LIPA: variants seen among roughly 807,000 people sequenced by gnomAD.
The protein encoded by LIPA is lysosomal acid lipase/cholesteryl ester hydrolase.
In LIPA, 26 loss-of-function variants were observed where a neutral mutation model predicts 40.6. That is an observed-to-expected ratio of 0.64 (90% CI 0.47 to 0.89). The LOEUF is 0.89. Among genes scored for constraint, LIPA ranks in the 40% least tolerant of loss-of-function variants. The probability of loss-of-function intolerance (pLI) is 0.00; values close to 1 mark genes in which losing one functional copy is unlikely to be tolerated. For synonymous variants in LIPA, 188 were observed against 168.4 expected (o/e 1.12, Z -0.90); for missense variants, 455 against 479.6 (o/e 0.95, Z 0.48).
chr10:89,235,417 T>A (rs900032604), intron 3 of LIPA, among the ~76,000 whole-genome samples: 12 of 152,234 alleles, frequency 7.9e-5, no homozygotes, highest in African/African-American at 2.9e-4. Flanking sequence ...AGCCTGGAGA[T>A]GGCAAGTGAT....
Position 89,329,614 on chromosome 10 carries a change from C to T in LIPA, c.-2+12997G>A, listed in dbSNP as rs186197460. Among the ~76,000 whole-genome samples, 348 of 152,014 alleles carry T rather than the reference C, an allele frequency of 2.3e-3. 3 individuals are homozygous for T. The highest frequency in any genetic ancestry group is 1.0e-3 in the Non-Finnish European group (68 of 68,022). On this transcript the variant is annotated intron_variant, in intron 1 of 5. Coordinates refer to the LIPA transcript ENST00000282673. ...AAATCACCTGGAGAACTCACTGGCA[C>T]GTGCCAGCTGATGGGCATCCTCCTC... is the stretch of plus-strand genomic sequence containing the variant.
intron 2 of LIPA, among the ~76,000 whole-genome samples, chr10:89,367,487 A>T (rs988563410): frequency 3.3e-5 from 5 of 152,230 alleles, no homozygotes; most frequent in African/African-American, 1.2e-4. Flanking sequence ...TTACTGGCTC[A>T]TCTAGGCCTA....
intron 2 of LIPA, chr10:89,403,622 G>C: frequency 6.2e-7 from 1 of 1,614,072 alleles, no homozygotes; most frequent in Non-Finnish European, 8.5e-7. Context: ...TCTACAAATT[G>C]GAAGGAAATA....
At chr10:89,403,611 G>C (rs375850117) in intron 2 of LIPA, 2 of 1,614,040 alleles carry the variant, frequency 1.2e-6, no homozygotes. Context: ...CCTTGGGTTC[G>C]TCTACAAATT....
intron 2 of LIPA, among the ~76,000 whole-genome samples, chr10:89,355,875 A>G (rs1488911807): frequency 6.6e-6 from 1 of 152,206 alleles, no homozygotes; most frequent in African/African-American, 2.4e-5. Flanking sequence ...GTTAACCTAT[A>G]TGGTCTAAAA....
At position 89,307,082 on chromosome 10, in the gene LIPA, C is replaced by T. The variant is rs367905315; in HGVS notation, c.-2+35529G>A. 29 of 1,613,828 alleles carry T rather than the reference C, an allele frequency of 1.8e-5. No individual in the cohort carries two copies. Among genetic ancestry groups the T allele is most frequent in the South Asian group, 1.5e-4 (14 of 91,070 alleles). The stretch of plus-strand genomic sequence containing the variant: ...TGTAGCGAAACAACTGCTCCATCTG[C>T]GGTATGGCAACTTTCAGCTGTACCA... On this transcript the variant is annotated intron_variant, in intron 1 of 5. Transcript: ENST00000282673.
intron 1 of LIPA, among the ~76,000 whole-genome samples, chr10:89,302,352 C>T (rs7922613): frequency 0.06 from 9,102 of 152,018 alleles, 740 homozygotes; most frequent in African/African-American, 0.18. Flanking sequence ...AATTCATCTC[C>T]AGAACTGCAC....
At chr10:89,320,364 G>A (rs1843564618) in intron 1 of LIPA, among the ~76,000 whole-genome samples, 1 of 152,198 alleles carries the variant, frequency 6.6e-6, no homozygotes, top group African/African-American at 2.4e-5. Flanking sequence ...AGCAACTTCA[G>A]CAAAGTCTCA....
At chr10:89,369,635 A>G (rs561242653) in intron 2 of LIPA, among the ~76,000 whole-genome samples, 18 of 152,348 alleles carry the variant, frequency 1.2e-4, no homozygotes, top group East Asian at 9.6e-4. Flanking sequence ...GACAACAGAT[A>G]ATGCTTTTTA....
At chr10:89,245,526 T>C in intron 3 of LIPA, 150 bp downstream of exon 3, 1 of 664,922 alleles carries the variant, frequency 1.5e-6, no homozygotes, top group Admixed American at 2.3e-5. Context: ...TAAAAGAAAA[T>C]TATTTTTCTT....
upstream of LIPA, among the ~76,000 whole-genome samples, chr10:89,252,884 T>C (rs1164495023): frequency 6.6e-6 from 1 of 151,584 alleles, no homozygotes; most frequent in Non-Finnish European, 1.5e-5. Context: ...AAGTGACACC[T>C]GAGCACAGGC....
At chr10:89,300,882 G>A (rs894668011) in intron 1 of LIPA, among the ~76,000 whole-genome samples, 118 of 152,276 alleles carry the variant, frequency 7.7e-4, no homozygotes, top group African/African-American at 2.7e-3. Flanking sequence ...AGCTACTCGA[G>A]AGGCTGAGGC....
At chr10:89,225,843 C>G (rs1187727800) in intron 5 of LIPA, among the ~76,000 whole-genome samples, 1 of 152,024 alleles carries the variant, frequency 6.6e-6, no homozygotes, top group African/African-American at 2.4e-5. Flanking sequence ...GTGAGTAAGT[C>G]TCTTGAGATT....
chr10:89,376,437 G>A (rs1321172494), intron 2 of LIPA, among the ~76,000 whole-genome samples: 1 of 152,140 alleles, frequency 6.6e-6, no homozygotes, highest in Non-Finnish European at 1.5e-5. Flanking sequence ...CTTATGTGAC[G>A]TTCCTTTTCT....
intron 2 of LIPA, among the ~76,000 whole-genome samples, chr10:89,392,058 C>CA (rs140171219): frequency 0.022 from 3,410 of 152,190 alleles, 49 homozygotes; most frequent in Non-Finnish European, 0.035. Context: ...CCTAAGTCAT[C>CA]AGGGGTTAGA....
At chr10:89,219,422 C>T (rs936453804) in intron 8 of LIPA, among the ~76,000 whole-genome samples, 3 of 152,154 alleles carry the variant, frequency 2.0e-5, no homozygotes, top group African/African-American at 7.2e-5. Context: ...CAAGTCTTGG[C>T]TCTGGGGAGC....
intron 2 of LIPA, among the ~76,000 whole-genome samples, chr10:89,399,965 G>T (rs1844398824): frequency 6.6e-6 from 1 of 152,108 alleles, no homozygotes. Context: ...GAACCAAATT[G>T]GTTGTCACCT....
intron 2 of LIPA, among the ~76,000 whole-genome samples, chr10:89,380,034 C>CA (rs750085635): frequency 0.04 from 3,144 of 79,070 alleles, 84 homozygotes; most frequent in African/African-American, 0.11. Context: ...GACTCCGTCT[C>CA]AAAAAAAAAA....
intron 2 of LIPA, among the ~76,000 whole-genome samples, chr10:89,360,794 T>A (rs1197052824): frequency 6.6e-6 from 1 of 152,216 alleles, no homozygotes; most frequent in Non-Finnish European, 1.5e-5. Flanking sequence ...AGGGCTGCCA[T>A]AACATAGTAC....
Sources: allele counts gnomAD v4.1 joint callset (sites outside exome capture counted in the v4.1 genomes callset), GRCh38; gene constraint gnomAD v4.1.1; transcripts MANE v1.5; gene names NCBI Gene and HGNC (gene_info 2026-07-23, HGNC 2026-07-21).